The following COX10 variants were observed in gnomAD, a reference collection of about 807,000 sequenced individuals.
COX10 encodes protoheme IX farnesyltransferase, mitochondrial.
COX10 carries 27 observed loss-of-function variants against 37.3 expected under a neutral mutation model. That is an observed-to-expected ratio of 0.72 (90% CI 0.53 to 1.00). The LOEUF (loss-of-function observed/expected upper bound fraction) is 1.00, where lower values mean the gene tolerates loss of function less well. Ranked by LOEUF, COX10 falls within the 50% of genes least tolerant of loss-of-function variation. The pLI is 0.00. For synonymous variants in COX10, 222 were observed against 229.1 expected (o/e 0.97, Z 0.28); for missense variants, 475 against 563.2 (o/e 0.84, Z 1.59).
intron 5 of COX10, among the ~76,000 whole-genome samples, chr17:14,180,601 A>T (rs1339942756): frequency 3.9e-5 from 6 of 152,152 alleles, no homozygotes; most frequent in Non-Finnish European, 8.8e-5. Flanking sequence ...TTCTGTTCTC[A>T]TCTCCCTTTT....
intron 4 of COX10, among the ~76,000 whole-genome samples, chr17:14,155,498 A>G (rs1933995860): frequency 6.6e-6 from 1 of 151,998 alleles, no homozygotes. Flanking sequence ...GATGGATCAC[A>G]AGATCAGGAG....
At chr17:14,132,247 C>G (rs894679321) in intron 4 of COX10, among the ~76,000 whole-genome samples, 17 of 151,956 alleles carry the variant, frequency 1.1e-4, no homozygotes, top group African/African-American at 4.1e-4. Context: ...ATGTAGCTTT[C>G]CACAGCTGTG....
At chr17:14,184,177 C>T (rs975834379) in intron 5 of COX10, among the ~76,000 whole-genome samples, 44 of 152,144 alleles carry the variant, frequency 2.9e-4, no homozygotes, top group Non-Finnish European at 2.2e-4. Context: ...TTTTATTGAG[C>T]CTTTTTACCT....
rs941334108 is a variant in COX10 at position 14,171,066 on chromosome 17, C to T, written c.695+11119C>T. Among the ~76,000 whole-genome samples the T allele has an allele frequency of 9.2e-5, 14 of 152,174 alleles. No individual in the cohort carries two copies. The South Asian group carries it at 2.1e-3, about 23-fold the overall frequency. Reference sequence around the variant, plus strand: ...ATGGGGAGAAGTAAGCAAAAACACACGCTGAATAAGCAAACTCAGAGTGAA... The same window carrying T: ...ATGGGGAGAAGTAAGCAAAAACACATGCTGAATAAGCAAACTCAGAGTGAA... On this transcript the variant is annotated intron_variant, in intron 5 of 6. Coordinates refer to ENST00000261643, the MANE Select transcript of COX10 (RefSeq NM_001303.4).
intron 6 of COX10, among the ~76,000 whole-genome samples, chr17:14,201,783 A>T (rs1906547482): frequency 6.6e-6 from 1 of 152,200 alleles, no homozygotes; most frequent in South Asian, 2.1e-4. Context: ...CATAACTGCA[A>T]ACTCTTTGAA....
At chr17:14,150,374 C>T (rs1428495637) in intron 4 of COX10, among the ~76,000 whole-genome samples, 1 of 152,104 alleles carries the variant, frequency 6.6e-6, no homozygotes, top group African/African-American at 2.4e-5. Flanking sequence ...AAAATTTAAC[C>T]TAGTCAGAAA....
chr17:14,090,171 G>A lies in COX10; in HGVS notation c.500-11947G>A, dbSNP rs116161988. On this transcript the variant is annotated intron_variant, in intron 3 of 6. Transcript: ENST00000261643. ...GGAGAGAATGTTATCTGAATCACTC[G>A]AGGGAAGCAAATGATTGCCTCTCAA... 2.5e-3 allele frequency among the ~76,000 whole-genome samples: 384 copies of A among 152,022 alleles called. 3 individuals are homozygous for A. The highest frequency in any genetic ancestry group is 8.8e-3 in the African/African-American group (365 of 41,476).
chr17:14,175,925 A>T (rs540088466), intron 5 of COX10, among the ~76,000 whole-genome samples: 1 of 152,146 alleles, frequency 6.6e-6, no homozygotes, highest in East Asian at 1.9e-4. Flanking sequence ...AACAAGGGGC[A>T]GGGTGGCACA....
rs762716275 is a variant in COX10 at position 14,070,296 on chromosome 17, G to T, written c.43+648G>T. ...TAGAGACCACCCTATATAAACTAGGGCCCCCTACTTCTTTCTTTTCACATC... is the reference window on the plus strand; with the variant it reads ...TAGAGACCACCCTATATAAACTAGGTCCCCCTACTTCTTTCTTTTCACATC... On this transcript the variant is annotated intron_variant, in intron 1 of 6. Coordinates refer to ENST00000261643, the MANE Select transcript of COX10 (RefSeq NM_001303.4). 1.4e-4 allele frequency among the ~76,000 whole-genome samples: 21 copies of T among 152,070 alleles called. 1 individual carries two copies. The highest frequency in any genetic ancestry group is 1.2e-4 in the Non-Finnish European group (8 of 68,014).
In COX10 at chr17:14,094,424, TAA is replaced by T. The variant is rs758975491; in HGVS notation, c.500-7693_500-7692del. Among the ~76,000 whole-genome samples the T allele has an allele frequency of 2.1e-3, 313 of 152,216 alleles. 1 individual carries two copies. The highest frequency in any genetic ancestry group is 3.0e-3 in the Non-Finnish European group (202 of 67,998). ...AAAGAAAGGGTTAAAAAATTAAACATAAGTGAAAGTTCTCCTGTTTTCTTACC... is the reference window on the plus strand; with the variant it reads ...AAAGAAAGGGTTAAAAAATTAAACATGTGAAAGTTCTCCTGTTTTCTTACC... On this transcript the variant is annotated intron_variant, in intron 3 of 6. Transcript: ENST00000261643.
intron 3 of COX10, among the ~76,000 whole-genome samples, chr17:14,099,399 A>G (rs182792374): frequency 6.6e-6 from 1 of 152,288 alleles, no homozygotes; most frequent in African/African-American, 2.4e-5. Context: ...GGGCTTGTTC[A>G]TATGGTACAA....
At chr17:14,125,156 GT>G (rs1337337076) in intron 4 of COX10, among the ~76,000 whole-genome samples, 2 of 152,116 alleles carry the variant, frequency 1.3e-5, no homozygotes, top group Non-Finnish European at 2.9e-5. Context: ...CGACAGGAAA[GT>G]TTTTATCCTG....
chr17:14,163,920 A>G (rs546371012), intron 5 of COX10, among the ~76,000 whole-genome samples: 1 of 152,232 alleles, frequency 6.6e-6, no homozygotes, highest in East Asian at 1.9e-4. Flanking sequence ...TCATCTGCAC[A>G]TCATTTCCAA....
intron 2 of COX10, 46 bp downstream of exon 2, chr17:14,074,502 C>T (rs113449951): frequency 1.7e-6 from 1 of 579,770 alleles, no homozygotes; most frequent in East Asian, 3.7e-5. Context: ...CTGCCTTTTT[C>T]TCTGTTGAGA....
At chr17:14,187,726 C>G (rs1906075866) in intron 5 of COX10, among the ~76,000 whole-genome samples, 1 of 152,062 alleles carries the variant, frequency 6.6e-6, no homozygotes, top group South Asian at 2.1e-4. Context: ...GTACCTTTGC[C>G]CATAACACAA....
intron 6 of COX10, among the ~76,000 whole-genome samples, chr17:14,195,524 T>G (rs934395180): frequency 3.6e-4 from 55 of 152,234 alleles, no homozygotes; most frequent in Non-Finnish European, 1.5e-4. Flanking sequence ...GTAAAACATT[T>G]CCATTATTGC....
chr17:14,188,867 A>G (rs1201290997), intron 5 of COX10, among the ~76,000 whole-genome samples: 1 of 149,168 alleles, frequency 6.7e-6, no homozygotes, highest in Non-Finnish European at 1.5e-5. Flanking sequence ...TAATAAGTAG[A>G]TGTTATTGTT....
chr17:14,206,543 T>G (rs1391573464), intron 6 of COX10, among the ~76,000 whole-genome samples: 2 of 152,106 alleles, frequency 1.3e-5, no homozygotes, highest in African/African-American at 4.8e-5. Flanking sequence ...AAGCAGGGTC[T>G]GAGCCAGACC....
chr17:14,192,222 G>A lies in COX10; in HGVS notation c.928+1G>A, dbSNP rs1906226621. 1 of 1,614,232 alleles carries A rather than the reference G, an allele frequency of 6.2e-7. No homozygotes were observed. The highest frequency in any genetic ancestry group is 8.5e-7 in the Non-Finnish European group (1 of 1,180,014). On this transcript the variant is annotated splice_donor_variant, in intron 6 of 6. Coordinates refer to ENST00000261643, the MANE Select transcript of COX10 (RefSeq NM_001303.4). LOFTEE classifies it high-confidence loss of function. ...GCGGCCACGGGCAGCCTCGATGCTG[G>A]TAAGTGTCCCGCGATGTGGAGTCTC...
Sources: allele counts gnomAD v4.1 joint callset (sites outside exome capture counted in the v4.1 genomes callset), GRCh38; gene constraint gnomAD v4.1.1; transcripts MANE v1.5; gene names NCBI Gene and HGNC (gene_info 2026-07-23, HGNC 2026-07-21).